GPATCH3: variants seen among roughly 807,000 people sequenced by gnomAD.
GPATCH3 encodes the protein G-patch domain containing 3.
Under a neutral mutation model 53.2 loss-of-function variants are expected in GPATCH3, and 45 were observed. The observed-to-expected ratio is 0.85, with a 90% confidence interval of 0.67 to 1.08. The LOEUF (loss-of-function observed/expected upper bound fraction) is 1.08, where lower values mean the gene tolerates loss of function less well. Ranked by LOEUF, GPATCH3 falls within the 50% of genes least tolerant of loss-of-function variation. The pLI is 0.00. For missense variants in GPATCH3, 680 were observed against 687.2 expected (o/e 0.99, Z 0.12); for synonymous variants, 280 against 270.6 (o/e 1.03, Z -0.34).
At chr1:26,891,562 T>G (rs1241129320) in intron 6 of GPATCH3, among the ~76,000 whole-genome samples, 1 of 152,138 alleles carries the variant, frequency 6.6e-6, no homozygotes, top group Non-Finnish European at 1.5e-5. Flanking sequence ...TTTATTTATT[T>G]CTGAGATGGG....
In GPATCH3 at chr1:26,892,314, G is replaced by A. The variant is rs189293197; in HGVS notation, c.1361+97C>T. 1,727 of 1,430,308 alleles carry A rather than the reference G, an allele frequency of 1.2e-3. 4 individuals are homozygous for A. The highest frequency in any genetic ancestry group is 1.5e-3 in the Non-Finnish European group (1,533 of 1,031,542). 88.6% of individuals were successfully genotyped at this position (1,430,308 alleles called of 1,614,324 possible). ...AACTGTTTTGAATTTCATCCCGCACGAGTACCCAGCAGCCATGCCAAAACC... is the reference window on the plus strand; with the variant it reads ...AACTGTTTTGAATTTCATCCCGCACAAGTACCCAGCAGCCATGCCAAAACC... On this transcript the variant is annotated intron_variant, in intron 6 of 6. Transcript: ENST00000361720.
intron 2 of GPATCH3, 148 bp from the exon 3 acceptor site, chr1:26,894,558 C>G (rs888527229): frequency 4.1e-6 from 3 of 725,550 alleles, no homozygotes; most frequent in Non-Finnish European, 7.0e-6. Flanking sequence ...GGCCCCTGAC[C>G]AACACGTCTC....
rs2081920407 is a variant in GPATCH3 at position 26,890,753 on chromosome 1, G to A, written c.*257C>T. On this transcript the variant is annotated 3_prime_UTR_variant, in exon 7 of 7. Coordinates refer to ENST00000361720, the MANE Select transcript of GPATCH3 (RefSeq NM_022078.3). ...TTTTCAAAGTTCTGCAGGAGGCAAAGGGCAAGCCCAGAGATTAGGGTTAGA... is the reference window on the plus strand; with the variant it reads ...TTTTCAAAGTTCTGCAGGAGGCAAAAGGCAAGCCCAGAGATTAGGGTTAGA... 7.2e-6 allele frequency: 5 copies of A among 698,780 alleles called. No individual in the cohort carries two copies. Among genetic ancestry groups the A allele is most frequent in the Admixed American group, 3.7e-5 (2 of 53,506 alleles). 43.3% of individuals were successfully genotyped at this position (698,780 alleles called of 1,614,324 possible).
Position 26,890,873 on chromosome 1 carries a change from G to T in GPATCH3, c.*137C>A. The T allele has an allele frequency of 1.2e-6, 1 of 869,500 alleles. No homozygotes were observed. Among genetic ancestry groups the T allele is most frequent in the Non-Finnish European group, 2.0e-6 (1 of 501,692 alleles). The allele number at this position is 869,500 out of a possible 1,614,324, so 53.9% of individuals were successfully genotyped here. ...TGCCCCTGAGGTATAGAACCGGCAG[G>T]CAGGCAGGCTCGGAACAAAACACCC... is the stretch of plus-strand genomic sequence containing the variant. On this transcript the variant is annotated 3_prime_UTR_variant, in exon 7 of 7. Coordinates refer to ENST00000361720, the MANE Select transcript of GPATCH3 (RefSeq NM_022078.3).
At chr1:26,899,889 CAT>C (rs1224359567) in intron 1 of GPATCH3, 101 bp downstream of exon 1, 10 of 1,015,406 alleles carry the variant, frequency 9.8e-6, no homozygotes, top group Admixed American at 2.4e-5. Context: ...GAACTAAACT[CAT>C]AGAGTCCTAA....
At chr1:26,897,149 A>G (rs967849999) in intron 2 of GPATCH3, 152 bp downstream of exon 2, 2 of 673,356 alleles carry the variant, frequency 3.0e-6, no homozygotes, top group Admixed American at 5.5e-5. Flanking sequence ...CACACATGCA[A>G]ATATAGTTTT....
intron 1 of GPATCH3, 62 bp downstream of exon 1, chr1:26,899,930 C>T: frequency 1.4e-6 from 2 of 1,479,562 alleles, no homozygotes; most frequent in South Asian, 2.4e-5. Context: ...CTCACCACTC[C>T]TCTGAAAAGG....
Position 26,894,295 on chromosome 1 carries a change from T to G in GPATCH3, c.992A>C (p.Lys331Thr). 1 of 1,614,146 alleles carries G rather than the reference T, an allele frequency of 6.2e-7. No individual in the cohort carries two copies. Among genetic ancestry groups the G allele is most frequent in the South Asian group, 1.1e-5 (1 of 91,084 alleles). ...FEEEIELKWEKGGSGLVFYTD... is the reference protein window; with the variant it reads ...FEEEIELKWETGGSGLVFYTD... Reference sequence around the variant, plus strand: ...ATAAAACACCAGGCCAGAGCCACCCTTCTCCCACTTGAGCTCAATCTCCTC... The same window carrying G: ...ATAAAACACCAGGCCAGAGCCACCCGTCTCCCACTTGAGCTCAATCTCCTC... Residue 331 changes from lysine to threonine, a missense_variant, in exon 3 of 7, where the codon AAG becomes ACG. Transcript: ENST00000361720.
intron 2 of GPATCH3, among the ~76,000 whole-genome samples, chr1:26,896,890 T>C (rs1226841609): frequency 6.7e-6 from 1 of 149,388 alleles, no homozygotes; most frequent in Non-Finnish European, 1.5e-5. Context: ...GGTATGGTGG[T>C]GGCCGCCTGT....
intron 4 of GPATCH3, 53 bp downstream of exon 4, chr1:26,893,336 G>T: frequency 7.1e-7 from 1 of 1,406,170 alleles, no homozygotes; most frequent in Non-Finnish European, 1.0e-6. Context: ...AAGTGTCACT[G>T]CAAGGCCAGG....
At chr1:26,894,549 G>T in intron 2 of GPATCH3, 139 bp from the exon 3 acceptor site, 1 of 804,398 alleles carries the variant, frequency 1.2e-6, no homozygotes. Flanking sequence ...CACATATTTG[G>T]CCCCTGACCA....
chr1:26,900,032 G>T lies in GPATCH3; in HGVS notation c.411C>A (p.Arg137=). 1 of 1,614,208 alleles carries T rather than the reference G, an allele frequency of 6.2e-7. No individual in the cohort carries two copies. Among genetic ancestry groups the T allele is most frequent in the Non-Finnish European group, 8.5e-7 (1 of 1,180,048 alleles). The change falls in exon 1 of 7, where the codon CGC becomes CGA. Residue 137 remains arginine, a synonymous_variant. Transcript: ENST00000361720. ...GTAGCCGAAGTCTGCGGATGAGACA[G>T]CGACCCGGTAGCCAAGTCCCGTGAG... ...LDSHGTWLPG[R]CLIRRLRLPT...
intron 2 of GPATCH3, among the ~76,000 whole-genome samples, chr1:26,896,182 G>A (rs1289418822): frequency 6.6e-6 from 1 of 152,116 alleles, no homozygotes; most frequent in African/African-American, 2.4e-5. Context: ...TAGAGAAGAA[G>A]CAAGAACTGG....
Position 26,897,342 on chromosome 1 carries a change from C to G in GPATCH3, c.835G>C (p.Glu279Gln). ...TCTTCTTCCTCTTCCTTCCCCACTT[C>G]TTCCTCAGGCTCTCCACAGGGGCTG... ...PASPCGEPEE[E>Q]VGKEEEEESH... The change falls in exon 2 of 7, where the codon GAA (glutamate) becomes CAA (glutamine). Residue 279 changes from glutamate (E) to glutamine (Q), a missense_variant. By Grantham distance (29) the Glu-to-Gln change is conservative. Coordinates refer to ENST00000361720, the MANE Select transcript of GPATCH3 (RefSeq NM_022078.3). 6.2e-7 allele frequency: 1 copy of G among 1,614,232 alleles called. No homozygotes were observed. The highest frequency in any genetic ancestry group is 8.5e-7 in the Non-Finnish European group (1 of 1,180,048).
At position 26,894,386 on chromosome 1, in the gene GPATCH3, C is replaced by G; in HGVS notation, c.901G>C (p.Glu301Gln). 6.2e-7 allele frequency: 1 copy of G among 1,614,078 alleles called. No individual in the cohort carries two copies. Among genetic ancestry groups the G allele is most frequent in the East Asian group, 2.2e-5 (1 of 44,870 alleles). Residue 301 changes from glutamate to glutamine, a missense_variant, in exon 3 of 7, where the codon GAA (glutamate) becomes CAA (glutamine). Glu to Gln is a conservative substitution (Grantham distance 29, BLOSUM62 2). Transcript: ENST00000361720. The stretch of plus-strand genomic sequence containing the variant: ...TCCTCATGCAGCGCTTCATGCCGTT[C>G]CCATTCCTCACCCCGGTCATCGTCC... ...DEDDDRGEEW[E>Q]RHEALHEDVT...
intron 2 of GPATCH3, among the ~76,000 whole-genome samples, chr1:26,897,057 C>A (rs1322111266): frequency 1.3e-5 from 2 of 152,014 alleles, no homozygotes; most frequent in Non-Finnish European, 2.9e-5. Flanking sequence ...TTATATATCC[C>A]TTCCAAGGGA....
At chr1:26,897,860 G>A (rs1326558282) in intron 1 of GPATCH3, 135 bp from the exon 2 acceptor site, 27 of 731,958 alleles carry the variant, frequency 3.7e-5, no homozygotes, top group Admixed American at 5.9e-5. Flanking sequence ...AATCTAGGCC[G>A]ACACAGTGGC....
At position 26,893,381 on chromosome 1, in the gene GPATCH3, C is replaced by T; in HGVS notation, c.1111+8G>A. The T allele has an allele frequency of 6.2e-7, 1 of 1,610,612 alleles. No individual in the cohort carries two copies. The highest frequency in any genetic ancestry group is 8.5e-7 in the Non-Finnish European group (1 of 1,176,812). Reference sequence around the variant, plus strand: ...TCACCTCCAGTATTGCCACTCCTTGCCCAGTACCTCTGTCATAGTACACAC... The same window carrying T: ...TCACCTCCAGTATTGCCACTCCTTGTCCAGTACCTCTGTCATAGTACACAC... On this transcript the variant is annotated splice_region_variant and intron_variant, in intron 4 of 6. Coordinates refer to ENST00000361720, the MANE Select transcript of GPATCH3 (RefSeq NM_022078.3).
chr1:26,893,592 C>G (rs2081938286), intron 3 of GPATCH3, 144 bp from the exon 4 acceptor site: 1 of 604,066 alleles, frequency 1.7e-6, no homozygotes, highest in African/African-American at 2.1e-5. Flanking sequence ...ATGACCTTGG[C>G]TCACTCCAAC....
Sources: gnomAD v4.1 joint callset for allele counts (sites outside exome capture counted in the v4.1 genomes callset) on GRCh38, gnomAD v4.1.1 for gene constraint, MANE v1.5 for transcripts, NCBI Gene and HGNC (gene_info 2026-07-23, HGNC 2026-07-21) for gene names.